Variants in MCL1 observed in about 807,000 individuals in gnomAD.
MCL1 encodes the protein MCL1 apoptosis regulator, BCL2 family member, also known as induced myeloid leukemia cell differentiation protein Mcl-1.
MCL1 carries 4 observed loss-of-function variants against 24.2 expected under a neutral mutation model. The observed-to-expected ratio is 0.17, with a 90% CI of 0.08 to 0.38. The LOEUF is 0.38. Among genes scored for constraint, MCL1 ranks in the 10% least tolerant of loss-of-function variants. The pLI is 1.00. For missense variants in MCL1, 529 were observed against 480.3 expected (o/e 1.10, Z -0.95); for synonymous variants, 248 against 214.0 (o/e 1.16, Z -1.39).
In MCL1 at chr1:150,575,483, A is replaced by C. The variant is rs1289710640; in HGVS notation, c.*1892T>G. On this transcript the variant is annotated 3_prime_UTR_variant, in exon 3 of 3. Transcript: ENST00000369026. ...AAGTGAGCATACTCCTATACAAAGG[A>C]AACTTTAGAGAAAGCCTCATAAAAT... 4.3e-6 allele frequency: 1 copy of C among 232,968 alleles called. No individual in the cohort carries two copies. The highest frequency in any genetic ancestry group is 8.5e-6 in the Non-Finnish European group (1 of 117,900). 14.4% of individuals were successfully genotyped at this position (232,968 alleles called of 1,614,324 possible). A position where few individuals can be genotyped will look rare whatever the true frequency, so the allele number is the denominator to read the frequency against.
In MCL1 at chr1:150,574,964, GCC is replaced by G. The variant is rs1570978371; in HGVS notation, c.*2409_*2410del. On this transcript the variant is annotated 3_prime_UTR_variant, in exon 3 of 3. Transcript: ENST00000369026. Reference sequence around the variant, plus strand: ...ACTTGGGGTGTCCTAAGCCCTCACTGCCCCAAGCCCAAAATATCAACTAAGAT... The same window carrying G: ...ACTTGGGGTGTCCTAAGCCCTCACTGCCAAGCCCAAAATATCAACTAAGAT... 7 of 232,986 alleles carry G rather than the reference GCC, an allele frequency of 3.0e-5. No homozygotes were observed. In the East Asian group the frequency reaches 4.2e-4, roughly 14 times the overall value. The allele number at this position is 232,986 out of a possible 1,614,324, so 14.4% of individuals were successfully genotyped here.
In MCL1 at chr1:150,577,420, T is replaced by C. The variant is rs2101693442; in HGVS notation, c.1008A>G (p.Ala336=). The change falls in exon 3 of 3, where the codon GCA becomes GCG. Residue 336 remains alanine (A), a synonymous_variant. Transcript: ENST00000369026. ...AACCAGCTCCTACTCCAGCAACACC[T>C]GCAAAAGCCAGCAGCACATTCCTGA... ...GGIRNVLLAF[A]GVAGVGAGLA... 1 of 1,614,000 alleles carries C rather than the reference T, an allele frequency of 6.2e-7. No homozygotes were observed. Among genetic ancestry groups the C allele is most frequent in the Non-Finnish European group, 8.5e-7 (1 of 1,179,968 alleles).
intron 1 of MCL1, 151 bp downstream of exon 1, chr1:150,578,692 G>A (rs1647925803): frequency 1.9e-6 from 2 of 1,026,008 alleles, no homozygotes; most frequent in Non-Finnish European, 2.8e-6. Context: ...CGGAAACAAT[G>A]ACTCATGGCC....
Position 150,578,916 on chromosome 1 carries a change from G to A in MCL1, c.615C>T (p.Thr205=). The change falls in exon 1 of 3, where the codon ACC becomes ACT. Residue 205 remains threonine, a synonymous_variant. Transcript: ENST00000369026. ...DTKPMGRSGA[T]SRKALETLRR... is the part of the protein sequence containing the mutation. ...GTAAGGTCTCCAGCGCCTTCCTGCT[G>A]GTGGCCCCAGACCTGCCCATTGGCT... is the stretch of plus-strand genomic sequence containing the variant. The A allele has an allele frequency of 1.2e-6, 2 of 1,613,792 alleles. No homozygotes were observed. Among genetic ancestry groups the A allele is most frequent in the South Asian group, 1.1e-5 (1 of 91,078 alleles).
rs1647735954 is a variant in MCL1, at chr1:150,575,121, T to TG, written c.*2253_*2254insC. 1 of 233,158 alleles carries TG rather than the reference T, an allele frequency of 4.3e-6. No homozygotes were observed. The highest frequency in any genetic ancestry group is 1.8e-4 in the South Asian group (1 of 5,532). The allele number at this position is 233,158 out of a possible 1,614,324, so 14.4% of individuals were successfully genotyped here. A position where few individuals can be genotyped will look rare whatever the true frequency, so the allele number is the denominator to read the frequency against. On this transcript the variant is annotated 3_prime_UTR_variant, in exon 3 of 3. Coordinates refer to ENST00000369026, the MANE Select transcript of MCL1 (RefSeq NM_021960.5). Reference sequence around the variant, plus strand: ...TTTTTTAGTTACCGTAACCAGATCTTAAGATTAATTAAAAACTACATAAAG... The same window carrying TG: ...TTTTTTAGTTACCGTAACCAGATCTTGAAGATTAATTAAAAACTACATAAAG...
At chr1:150,577,512 G>A (rs1025392749) in intron 2 of MCL1, 21 bp from the exon 3 acceptor site, 2 of 1,581,242 alleles carry the variant, frequency 1.3e-6, no homozygotes, top group Non-Finnish European at 1.7e-6. Context: ...AAAAAGAAAA[G>A]CACATTTTCA....
In MCL1 at chr1:150,578,980, C is replaced by A. The variant is rs758859488; in HGVS notation, c.551G>T (p.Arg184Leu). 7 of 1,613,502 alleles carry A rather than the reference C, an allele frequency of 4.3e-6. No individual in the cohort carries two copies. In the African/African-American group the frequency reaches 5.3e-5, roughly 12 times the overall value. The change falls in exon 1 of 3, where the codon CGG (arginine) becomes CTG (leucine). Residue 184 changes from arginine (R) to leucine (L), a missense_variant. By Grantham distance (102) the Arg-to-Leu change is moderately radical. Coordinates refer to ENST00000369026, the MANE Select transcript of MCL1 (RefSeq NM_021960.5). ...LYRQSLEIIS[R>L]YLREQATGAK... is the part of the protein sequence containing the mutation. ...GCCGGTGGCCTGCTCCCGAAGGTAC[C>A]GAGAGATAATCTCCAGCGACTGCCG...
rs1161571446 is a variant in MCL1, at chr1:150,578,387, C to T, written c.793G>A (p.Val265Met). ...SDGVTNWGRI[V>M]TLISFGAFVA... ...AAGGCACCAAAAGAAATGAGAGTCA[C>T]AATCCTGCCCCAGTTTGTTACGCCG... The change falls in exon 2 of 3, where the codon GTG (valine) becomes ATG (methionine). Residue 265 changes from valine (V) to methionine (M), a missense_variant. Coordinates refer to ENST00000369026, the MANE Select transcript of MCL1 (RefSeq NM_021960.5). 2.5e-6 allele frequency: 4 copies of T among 1,614,108 alleles called. No individual in the cohort carries two copies. In the African/African-American group the frequency reaches 4.0e-5, roughly 16 times the overall value.
chr1:150,575,983 T>G lies in MCL1; in HGVS notation c.*1392A>C, dbSNP rs966010852. 8 of 233,568 alleles carry G rather than the reference T, an allele frequency of 3.4e-5. No individual in the cohort carries two copies. The highest frequency in any genetic ancestry group is 1.7e-4 in the Admixed American group (3 of 17,786). 14.5% of individuals were successfully genotyped at this position (233,568 alleles called of 1,614,324 possible). On this transcript the variant is annotated 3_prime_UTR_variant, in exon 3 of 3. Transcript: ENST00000369026. ...TTAATAGAAACAAAACAGTAAGTATTTGCTTTATTGACATACTAGGCTTAG... is the reference window on the plus strand; with the variant it reads ...TTAATAGAAACAAAACAGTAAGTATGTGCTTTATTGACATACTAGGCTTAG...
In MCL1 at chr1:150,577,077, G is replaced by T. The variant is rs774285339; in HGVS notation, c.*298C>A. 3.3e-6 allele frequency: 1 copy of T among 301,510 alleles called. No individual in the cohort carries two copies. The highest frequency in any genetic ancestry group is 6.6e-5 in the South Asian group (1 of 15,170). 18.7% of individuals were successfully genotyped at this position (301,510 alleles called of 1,614,324 possible). A position where few individuals can be genotyped will look rare whatever the true frequency, so the allele number is the denominator to read the frequency against. ...TTCCTGTTCTCAACAAGGAAATTAAGTCTTTCCACCCTACCATCTTCACTA... is the reference window on the plus strand; with the variant it reads ...TTCCTGTTCTCAACAAGGAAATTAATTCTTTCCACCCTACCATCTTCACTA... On this transcript the variant is annotated 3_prime_UTR_variant, in exon 3 of 3. Coordinates refer to ENST00000369026, the MANE Select transcript of MCL1 (RefSeq NM_021960.5).
rs1647724340 is a variant in MCL1 at position 150,574,909 on chromosome 1, C to T, written c.*2466G>A. ...ACCTGCCTCCTCCTCCCCCTATAAA[C>T]CCACCACTCCCCTCCTCCTTTCCCA... On this transcript the variant is annotated 3_prime_UTR_variant, in exon 3 of 3. Transcript: ENST00000369026. The T allele has an allele frequency of 4.3e-6, 1 of 233,130 alleles. No individual in the cohort carries two copies. The highest frequency in any genetic ancestry group is 1.8e-4 in the South Asian group (1 of 5,534). The allele number at this position is 233,130 out of a possible 1,614,324, so 14.4% of individuals were successfully genotyped here.
Position 150,578,957 on chromosome 1 carries a change from C to G in MCL1, c.574G>C (p.Gly192Arg). ...CCCATTGGCTTTGTGTCCTTGGCGC[C>G]GGTGGCCTGCTCCCGAAGGTACCGA... ...ISRYLREQAT[G>R]AKDTKPMGRS... Residue 192 changes from glycine to arginine, a missense_variant, in exon 1 of 3, where the codon GGC (glycine) becomes CGC (arginine). Transcript: ENST00000369026. The G allele has an allele frequency of 6.2e-7, 1 of 1,613,674 alleles. No homozygotes were observed. The highest frequency in any genetic ancestry group is 2.2e-5 in the East Asian group (1 of 44,880).
chr1:150,578,971 C>T lies in MCL1; in HGVS notation c.560G>A (p.Arg187Gln), dbSNP rs149195238. 1.9e-5 allele frequency: 31 copies of T among 1,613,628 alleles called. No individual in the cohort carries two copies. The highest frequency in any genetic ancestry group is 2.7e-5 in the African/African-American group (2 of 75,050). The stretch of plus-strand genomic sequence containing the variant: ...GTCCTTGGCGCCGGTGGCCTGCTCC[C>T]GAAGGTACCGAGAGATAATCTCCAG... ...QSLEIISRYL[R>Q]EQATGAKDTK... The change falls in exon 1 of 3, where the codon CGG becomes CAG. Residue 187 changes from arginine (R) to glutamine (Q), a missense_variant. Physicochemically the swap from Arg to Gln is conservative, Grantham distance 43. Transcript: ENST00000369026.
rs776000116 is a variant in MCL1 at position 150,575,633 on chromosome 1, T to C, written c.*1742A>G. ...CTTCCTCCCACCTCTCAATGACTGT[T>C]AGTGTCACAGCACCCATGGTATTAC... On this transcript the variant is annotated 3_prime_UTR_variant, in exon 3 of 3. Coordinates refer to ENST00000369026, the MANE Select transcript of MCL1 (RefSeq NM_021960.5). The C allele has an allele frequency of 4.7e-5, 11 of 232,996 alleles. No homozygotes were observed. The highest frequency in any genetic ancestry group is 6.8e-5 in the Non-Finnish European group (8 of 118,002). 14.4% of individuals were successfully genotyped at this position (232,996 alleles called of 1,614,324 possible).
Position 150,579,518 on chromosome 1 carries a change from T to C in MCL1, c.13A>G (p.Lys5Glu). ...TTGAGTCCGATTACCGCGTTTCTTT[T>C]GAGGCCAAACATTGCCAGTCGCCGC... is the stretch of plus-strand genomic sequence containing the variant. MFGL[K>E]RNAVIGLNLY... The change falls in exon 1 of 3, where the codon AAA becomes GAA. Residue 5 changes from lysine (K) to glutamate (E), a missense_variant. Transcript: ENST00000369026. 1.2e-6 allele frequency: 2 copies of C among 1,601,248 alleles called. No individual in the cohort carries two copies. Among genetic ancestry groups the C allele is most frequent in the African/African-American group, 2.7e-5 (2 of 73,012 alleles).
chr1:150,579,103 A>G lies in MCL1; in HGVS notation c.428T>C (p.Leu143Pro). The G allele has an allele frequency of 6.2e-7, 1 of 1,613,066 alleles. No homozygotes were observed. The highest frequency in any genetic ancestry group is 1.1e-5 in the South Asian group (1 of 91,090). ...PLGKRPAVLPLLELVGESGNN... is the reference protein window; with the variant it reads ...PLGKRPAVLPPLELVGESGNN... Reference sequence around the variant, plus strand: ...ACCAGATTCCCCGACCAACTCCAGCAGCGGCAGGACAGCCGGCCGCTTCCC... The same window carrying G: ...ACCAGATTCCCCGACCAACTCCAGCGGCGGCAGGACAGCCGGCCGCTTCCC... The change falls in exon 1 of 3, where the codon CTG becomes CCG. Residue 143 changes from leucine to proline, a missense_variant. Transcript: ENST00000369026.
intron 2 of MCL1, among the ~76,000 whole-genome samples, 197 bp downstream of exon 2, chr1:150,578,047 G>C (rs1647886692): frequency 6.6e-6 from 1 of 152,066 alleles, no homozygotes; most frequent in South Asian, 2.1e-4. Flanking sequence ...CAAGATTTTT[G>C]ATACAATTCA....
Position 150,578,281 on chromosome 1 carries a change from C to T in MCL1, c.899G>A (p.Arg300Lys), listed in dbSNP as rs769033449. 1.2e-6 allele frequency: 2 copies of T among 1,614,178 alleles called. No individual in the cohort carries two copies. The highest frequency in any genetic ancestry group is 2.2e-5 in the East Asian group (1 of 44,894). The part of the protein sequence containing the change: ...LAESITDVLV[R>K]TKRDWLVKQR... ...TTTAACTAGCCAGTCCCGTTTTGTC[C>T]TTACGAGAACGTCTGTGATACTTTC... Residue 300 changes from arginine (R) to lysine (K), a missense_variant, in exon 2 of 3, where the codon AGG becomes AAG. Arg to Lys is a conservative substitution (Grantham distance 26). Transcript: ENST00000369026.
rs780241353 is a variant in MCL1, at chr1:150,578,379, G to C, written c.801C>G (p.Leu267=). The change falls in exon 2 of 3, where the codon CTC becomes CTG. Residue 267 remains leucine, a synonymous_variant. Coordinates refer to ENST00000369026, the MANE Select transcript of MCL1 (RefSeq NM_021960.5). ...TAGCCACAAAGGCACCAAAAGAAAT[G>C]AGAGTCACAATCCTGCCCCAGTTTG... ...GVTNWGRIVT[L]ISFGAFVAKH... 33 of 1,614,104 alleles carry C rather than the reference G, an allele frequency of 2.0e-5. No individual in the cohort carries two copies. The highest frequency in any genetic ancestry group is 1.7e-6 in the Non-Finnish European group (2 of 1,180,050).
Sources: gnomAD v4.1 joint callset for allele counts (sites outside exome capture counted in the v4.1 genomes callset) on GRCh38, gnomAD v4.1.1 for gene constraint, MANE v1.5 for transcripts, NCBI Gene and HGNC (gene_info 2026-07-23, HGNC 2026-07-21) for gene names.